COL25A1: variants seen among roughly 807,000 people sequenced by gnomAD.
The protein encoded by COL25A1 is collagen type XXV alpha 1 chain, also known as collagen alpha-1(XXV) chain.
Under a neutral mutation model 128.4 loss-of-function variants are expected in COL25A1, and 103 were observed. The observed-to-expected ratio is 0.80, with a 90% CI of 0.68 to 0.94. The LOEUF (loss-of-function observed/expected upper bound fraction) is 0.94. Among genes scored for constraint, COL25A1 ranks in the 40% least tolerant of loss-of-function variants. The pLI is 0.00. For missense variants in COL25A1, 745 were observed against 840.0 expected (o/e 0.89, Z 1.40); for synonymous variants, 279 against 277.2 (o/e 1.01, Z -0.06).
intron 3 of COL25A1, among the ~76,000 whole-genome samples, chr4:109,294,013 A>G (rs2126287486): frequency 6.6e-6 from 1 of 152,288 alleles, no homozygotes; most frequent in East Asian, 1.9e-4. Flanking sequence ...TGACTAATAT[A>G]AATGTGAAAT....
intron 3 of COL25A1, among the ~76,000 whole-genome samples, chr4:109,273,811 T>C (rs1247532591): frequency 2.0e-5 from 3 of 152,208 alleles, no homozygotes; most frequent in Admixed American, 6.5e-5. Flanking sequence ...CAAATTGCGA[T>C]AGTAATGCCT....
At position 109,301,827 on chromosome 4, in the gene COL25A1, C is replaced by A; in HGVS notation, c.193G>T (p.Ala65Ser). 6.2e-7 allele frequency: 1 copy of A among 1,614,222 alleles called. No individual in the cohort carries two copies. The highest frequency in any genetic ancestry group is 8.5e-7 in the Non-Finnish European group (1 of 1,180,042). ...GGGGCCCCTTTGGCGGATTCGAGAG[C>A]GGCGATCCTCGCCTGGAGGTCGTTG... ...KTNDLQARIAALESAKGAPSI... is the reference protein window; with the variant it reads ...KTNDLQARIASLESAKGAPSI... Residue 65 changes from alanine (A) to serine (S), a missense_variant, in exon 2 of 38, where the codon GCT becomes TCT. By Grantham distance (99) the Ala-to-Ser change is moderately conservative. Transcript: ENST00000399132.
At chr4:109,032,770 G>A (rs1307304745) in intron 5 of COL25A1, among the ~76,000 whole-genome samples, 1 of 152,170 alleles carries the variant, frequency 6.6e-6, no homozygotes, top group African/African-American at 2.4e-5. Context: ...TATTGATGAG[G>A]CTCGGCAGGT....
At chr4:108,842,284 C>T (rs1190489337) in intron 30 of COL25A1, among the ~76,000 whole-genome samples, 1 of 152,146 alleles carries the variant, frequency 6.6e-6, no homozygotes, top group African/African-American at 2.4e-5. Flanking sequence ...TGTAGGAAAG[C>T]TAAGCATTAT....
intron 3 of COL25A1, among the ~76,000 whole-genome samples, chr4:109,191,998 A>AG (rs1488247957): frequency 1.3e-5 from 2 of 152,352 alleles, no homozygotes; most frequent in East Asian, 3.9e-4. Context: ...AATTCCAACA[A>AG]GAAGTGTCAG....
At chr4:109,168,186 GT>G (rs1384463236) in intron 3 of COL25A1, among the ~76,000 whole-genome samples, 9 of 152,122 alleles carry the variant, frequency 5.9e-5, no homozygotes, top group Non-Finnish European at 1.3e-4. Flanking sequence ...TGTTTTCAAG[GT>G]TATGTGAAAT....
At chr4:109,013,473 C>G (rs560480816) in intron 5 of COL25A1, among the ~76,000 whole-genome samples, 94 of 61,650 alleles carry the variant, frequency 1.5e-3, no homozygotes, top group Admixed American at 0.01. Context: ...GCAACTTGCT[C>G]GAGTCCCCTT....
At position 109,248,413 on chromosome 4, in the gene COL25A1, T is replaced by C. The variant is rs1430134793; in HGVS notation, c.367+52170A>G. Among the ~76,000 whole-genome samples, 3 of 152,156 alleles carry C rather than the reference T, an allele frequency of 2.0e-5. No individual in the cohort carries two copies. In the East Asian group the frequency reaches 5.8e-4, roughly 29 times the overall value. ...TTCACTGGTTATCAGGGCAATTGTG[T>C]TGATGAAGTCCCCTGTTCCAGCCAC... On this transcript the variant is annotated intron_variant, in intron 3 of 37. Coordinates refer to ENST00000399132, the MANE Select transcript of COL25A1 (RefSeq NM_198721.4).
At chr4:109,173,096 G>A (rs1383916239) in intron 3 of COL25A1, among the ~76,000 whole-genome samples, 1 of 152,054 alleles carries the variant, frequency 6.6e-6, no homozygotes, top group Non-Finnish European at 1.5e-5. Context: ...AGGTTTTTGT[G>A]TGTGTGAGAG....
intron 5 of COL25A1, among the ~76,000 whole-genome samples, chr4:109,014,576 G>GTTA (rs1757031766): frequency 6.6e-6 from 1 of 152,140 alleles, no homozygotes; most frequent in East Asian, 1.9e-4. Context: ...ACACTTATAT[G>GTTA]TTATTATATA....
At chr4:109,288,962 T>TATATACACACACAC (rs1021982305) in intron 3 of COL25A1, among the ~76,000 whole-genome samples, 32 of 133,528 alleles carry the variant, frequency 2.4e-4, no homozygotes, top group African/African-American at 8.6e-4. Context: ...AAATTATATA[T>TATATACACACACAC]ACACACACAC....
At chr4:109,008,552 T>TA (rs901311937) in intron 6 of COL25A1, among the ~76,000 whole-genome samples, 12 of 152,180 alleles carry the variant, frequency 7.9e-5, no homozygotes, top group African/African-American at 2.9e-4. Flanking sequence ...AAAATTAAAA[T>TA]ATGTTAAAGA....
In COL25A1 at chr4:108,831,766, T is replaced by C. The variant is rs369850935; in HGVS notation, c.1710+614A>G. On this transcript the variant is annotated intron_variant, in intron 32 of 37. Coordinates refer to ENST00000399132, the MANE Select transcript of COL25A1 (RefSeq NM_198721.4). ...GAAGAAAGTTCCAGACAGATGACCATTTATCTTCCATTCTGAATGTCTTTT... is the reference window on the plus strand; with the variant it reads ...GAAGAAAGTTCCAGACAGATGACCACTTATCTTCCATTCTGAATGTCTTTT... Among the ~76,000 whole-genome samples, 382 of 151,850 alleles carry C rather than the reference T, an allele frequency of 2.5e-3. 4 individuals carry two copies. The highest frequency in any genetic ancestry group is 8.9e-3 in the African/African-American group (368 of 41,412).
At chr4:109,068,636 G>A (rs1034758080) in intron 3 of COL25A1, among the ~76,000 whole-genome samples, 2 of 152,080 alleles carry the variant, frequency 1.3e-5, no homozygotes, top group African/African-American at 2.4e-5. Context: ...AATATGTTCT[G>A]GTGCTTATAA....
intron 3 of COL25A1, among the ~76,000 whole-genome samples, chr4:109,071,120 C>T (rs1762933924): frequency 6.6e-6 from 1 of 152,062 alleles, no homozygotes; most frequent in Non-Finnish European, 1.5e-5. Flanking sequence ...TGGAACAGAA[C>T]AGAGCCCTCA....
rs534716951 is a variant in COL25A1, at chr4:109,100,244, T to C, written c.368-50065A>G. ...TTCACTGTAAAACATGCAGTCATTT[T>C]CAGCAACGAAGAATCATTAAGTAAA... is the stretch of plus-strand genomic sequence containing the variant. On this transcript the variant is annotated intron_variant, in intron 3 of 37. Coordinates refer to ENST00000399132, the MANE Select transcript of COL25A1 (RefSeq NM_198721.4). Among the ~76,000 whole-genome samples, 3 of 152,302 alleles carry C rather than the reference T, an allele frequency of 2.0e-5. No individual in the cohort carries two copies. The East Asian group carries it at 5.8e-4, about 29-fold the overall frequency.
intron 3 of COL25A1, among the ~76,000 whole-genome samples, chr4:109,159,803 T>A (rs760112738): frequency 1.3e-5 from 2 of 152,090 alleles, no homozygotes; most frequent in Non-Finnish European, 2.9e-5. Context: ...AAGAGTGAAA[T>A]CCACAGAAAC....
intron 3 of COL25A1, among the ~76,000 whole-genome samples, chr4:109,141,126 G>A (rs1238019689): frequency 2.0e-5 from 3 of 152,144 alleles, no homozygotes; most frequent in African/African-American, 4.8e-5. Flanking sequence ...CTAGTTTATT[G>A]AGAGTTTTTA....
intron 3 of COL25A1, among the ~76,000 whole-genome samples, chr4:109,096,160 G>T (rs930407669): frequency 6.6e-6 from 1 of 152,092 alleles, no homozygotes; most frequent in African/African-American, 2.4e-5. Context: ...ATAATGTATT[G>T]CCTGTAAACA....
Sources: allele counts gnomAD v4.1 joint callset (sites outside exome capture counted in the v4.1 genomes callset), GRCh38; gene constraint gnomAD v4.1.1; transcripts MANE v1.5; gene names NCBI Gene and HGNC (gene_info 2026-07-23, HGNC 2026-07-21).